The following SECISBP2L variants were observed in gnomAD, a reference collection of about 807,000 sequenced individuals.
SECISBP2L encodes the protein selenocysteine insertion sequence-binding protein 2-like.
A neutral mutation model predicts 114.7 loss-of-function variants in SECISBP2L; 43 were observed. That is an observed-to-expected ratio of 0.38 (90% CI 0.29 to 0.48). SECISBP2L has a LOEUF of 0.48. SECISBP2L is among the 20% of genes least tolerant of loss of function. The pLI is 0.98. For missense variants in SECISBP2L, 1,136 were observed against 1,301.1 expected, an observed-to-expected ratio of 0.87 and a Z score of 1.95; for synonymous variants, 451 against 439.7, an observed-to-expected ratio of 1.03 and a Z score of -0.32.
chr15:49,014,618 ACTGAC>A (rs1460732038), intron 11 of SECISBP2L, among the ~76,000 whole-genome samples: 1 of 152,088 alleles, frequency 6.6e-6, no homozygotes, highest in Non-Finnish European at 1.5e-5. Context: ...TGGAGTCATC[ACTGAC>A]CTGTTTCCAG....
At chr15:49,040,665 A>G (rs924506294) in intron 1 of SECISBP2L, among the ~76,000 whole-genome samples, 1 of 148,058 alleles carries the variant, frequency 6.8e-6, no homozygotes, top group Non-Finnish European at 1.5e-5. Flanking sequence ...CCTCCCGAGT[A>G]GCTGGGACTA....
chr15:48,993,750 C>T (rs957753181), intron 17 of SECISBP2L, among the ~76,000 whole-genome samples: 1 of 151,658 alleles, frequency 6.6e-6, no homozygotes, highest in Non-Finnish European at 1.5e-5. Flanking sequence ...GTATTATATA[C>T]TACAGTGATG....
chr15:49,021,782 T>C (rs1045316939), intron 7 of SECISBP2L, among the ~76,000 whole-genome samples: 1 of 152,150 alleles, frequency 6.6e-6, no homozygotes, highest in Non-Finnish European at 1.5e-5. Context: ...CCCAAACTAA[T>C]GGTCCCAACA....
rs2141056504 is a variant in SECISBP2L at position 48,992,084 on chromosome 15, G to T, written c.*160C>A. 1.6e-6 allele frequency: 1 copy of T among 609,022 alleles called. No homozygotes were observed. The highest frequency in any genetic ancestry group is 2.7e-6 in the Non-Finnish European group (1 of 370,568). The allele number at this position is 609,022 out of a possible 1,614,324, so 37.7% of individuals were successfully genotyped here. Reference sequence around the variant, plus strand: ...AAAGACACTTAGATACTAATTAAAAGCTAAGCTACAGATCATAACAAGTAA... The same window carrying T: ...AAAGACACTTAGATACTAATTAAAATCTAAGCTACAGATCATAACAAGTAA... On this transcript the variant is annotated 3_prime_UTR_variant, in exon 18 of 18. Coordinates refer to ENST00000559471, the MANE Select transcript of SECISBP2L (RefSeq NM_001193489.2).
At chr15:49,042,800 T>C (rs1595798949) in intron 1 of SECISBP2L, among the ~76,000 whole-genome samples, 2 of 152,252 alleles carry the variant, frequency 1.3e-5, no homozygotes, top group Non-Finnish European at 2.9e-5. Flanking sequence ...GAGGCCGACG[T>C]GGGTGGATCA....
Position 49,035,658 on chromosome 15 carries a change from T to C in SECISBP2L, c.204A>G (p.Arg68=), listed in dbSNP as rs779255316. 1 of 1,596,820 alleles carries C rather than the reference T, an allele frequency of 6.3e-7. No individual in the cohort carries two copies. The highest frequency in any genetic ancestry group is 8.5e-7 in the Non-Finnish European group (1 of 1,169,812). The change falls in exon 3 of 18, where the codon AGA becomes AGG. Residue 68 remains arginine (R), a splice_region_variant and synonymous_variant. Coordinates refer to ENST00000559471, the MANE Select transcript of SECISBP2L (RefSeq NM_001193489.2). ...TATCATTGTTATATAAAGGAAACTG[T>C]CTGCAAAACCAAATCAAAGAAGAAC... is the stretch of plus-strand genomic sequence containing the variant. The part of the protein sequence containing the change: ...YPFVQENQSN[R]QFPLYNNDIR...
At chr15:49,033,122 A>G (rs755737019) in intron 3 of SECISBP2L, 22 bp from the exon 4 acceptor site, 1 of 1,600,632 alleles carries the variant, frequency 6.2e-7, no homozygotes, top group Non-Finnish European at 8.5e-7. Flanking sequence ...AAAAAACAAA[A>G]AAACAAAAAA....
intron 4 of SECISBP2L, among the ~76,000 whole-genome samples, chr15:49,029,639 T>C (rs913193770): frequency 1.3e-5 from 2 of 152,230 alleles, no homozygotes; most frequent in African/African-American, 4.8e-5. Flanking sequence ...TGAACATGCA[T>C]ATATGCATAT....
chr15:48,989,461 G>A lies in SECISBP2L; in HGVS notation c.*2783C>T, dbSNP rs1901925849. The A allele has an allele frequency of 6.6e-6, 1 of 152,492 alleles. No homozygotes were observed. Among genetic ancestry groups the A allele is most frequent in the Non-Finnish European group, 1.5e-5 (1 of 68,002 alleles). 9.4% of individuals were successfully genotyped at this position (152,492 alleles called of 1,614,324 possible). The stretch of plus-strand genomic sequence containing the variant: ...TCAAAGCCAGTAAAAACTTCTCAAT[G>A]TATAACACACATTACTTTTCCACAT... On this transcript the variant is annotated 3_prime_UTR_variant, in exon 18 of 18. Coordinates refer to ENST00000559471, the MANE Select transcript of SECISBP2L (RefSeq NM_001193489.2).
chr15:49,010,854 A>C (rs966092188), intron 13 of SECISBP2L, among the ~76,000 whole-genome samples: 1 of 152,138 alleles, frequency 6.6e-6, no homozygotes, highest in Non-Finnish European at 1.5e-5. Flanking sequence ...TAAGCTCTTC[A>C]ACAGCAGGAC....
At chr15:49,005,429 A>G (rs997689420) in intron 14 of SECISBP2L, among the ~76,000 whole-genome samples, 26 of 152,138 alleles carry the variant, frequency 1.7e-4, no homozygotes, top group Admixed American at 6.5e-5. Flanking sequence ...TATTGGGTGC[A>G]TATACATTTG....
At chr15:49,011,573 A>G in intron 13 of SECISBP2L, 158 bp downstream of exon 13, 2 of 825,320 alleles carry the variant, frequency 2.4e-6, no homozygotes, top group Non-Finnish European at 3.7e-6. Context: ...TCTCCCTACA[A>G]AAGCATCTTT....
chr15:49,022,720 A>G lies in SECISBP2L; in HGVS notation c.1036-3168T>C, dbSNP rs115699752. 5.5e-3 allele frequency among the ~76,000 whole-genome samples: 835 copies of G among 152,368 alleles called. 4 individuals carry two copies. Among genetic ancestry groups the G allele is most frequent in the African/African-American group, 0.019 (788 of 41,592 alleles). On this transcript the variant is annotated intron_variant, in intron 7 of 17. Coordinates refer to ENST00000559471, the MANE Select transcript of SECISBP2L (RefSeq NM_001193489.2). ...AATTTAAACACCAATGGAACAGAAT[A>G]GAAAGTCCAGAAATGGATTCCAATA... is the stretch of plus-strand genomic sequence containing the variant.
At chr15:49,019,830 T>C (rs1902606678) in intron 7 of SECISBP2L, among the ~76,000 whole-genome samples, 1 of 152,236 alleles carries the variant, frequency 6.6e-6, no homozygotes, top group Admixed American at 6.5e-5. Context: ...ACAAACCAGA[T>C]GTTCTACAGT....
chr15:49,007,918 A>G (rs1902356479), intron 14 of SECISBP2L, among the ~76,000 whole-genome samples: 1 of 152,208 alleles, frequency 6.6e-6, no homozygotes. Flanking sequence ...GTCATGAGGT[A>G]AAAATCACAT....
At chr15:49,020,205 T>C (rs578040535) in intron 7 of SECISBP2L, among the ~76,000 whole-genome samples, 2 of 152,206 alleles carry the variant, frequency 1.3e-5, no homozygotes, top group South Asian at 4.2e-4. Flanking sequence ...AAACTGCATA[T>C]TACTTGCTTA....
chr15:49,002,226 TAC>T (rs1467973383), intron 14 of SECISBP2L, among the ~76,000 whole-genome samples: 8 of 152,252 alleles, frequency 5.3e-5, no homozygotes, highest in African/African-American at 1.9e-4. Flanking sequence ...GAGTTTTTCA[TAC>T]GTTTCTTGAC....
intron 13 of SECISBP2L, 31 bp downstream of exon 13, chr15:49,011,700 A>G (rs1241139117): frequency 1.2e-6 from 2 of 1,612,054 alleles, no homozygotes; most frequent in Non-Finnish European, 8.5e-7. Flanking sequence ...AGACCATTCC[A>G]TGAGAAGAGG....
At chr15:48,997,496 T>C (rs569069833) in intron 16 of SECISBP2L, among the ~76,000 whole-genome samples, 1 of 152,226 alleles carries the variant, frequency 6.6e-6, no homozygotes, top group Non-Finnish European at 1.5e-5. Context: ...AAAAACCAGA[T>C]GTTCTTTCAT....
Sources: gnomAD v4.1 joint callset for allele counts (sites outside exome capture counted in the v4.1 genomes callset) on GRCh38, gnomAD v4.1.1 for gene constraint, MANE v1.5 for transcripts, NCBI Gene and HGNC (gene_info 2026-07-23, HGNC 2026-07-21) for gene names.